FAM204A: variants seen among roughly 807,000 people sequenced by gnomAD.
FAM204A encodes the protein family with sequence similarity 204 member A.
In FAM204A, 16 loss-of-function variants were observed where a neutral mutation model predicts 35.4. That is an observed-to-expected ratio of 0.45 (90% CI 0.31 to 0.69). The LOEUF (loss-of-function observed/expected upper bound fraction) is 0.69. Among genes scored for constraint, FAM204A ranks in the 30% least tolerant of loss-of-function variants. The pLI is 0.07. For missense variants in FAM204A, 240 were observed against 265.7 expected (o/e 0.90, Z 0.67); for synonymous variants, 76 against 86.9 (o/e 0.88, Z 0.70).
intron 6 of FAM204A, among the ~76,000 whole-genome samples, chr10:118,331,991 T>C (rs542912654): frequency 6.6e-6 from 1 of 150,724 alleles, no homozygotes; most frequent in South Asian, 2.1e-4. Flanking sequence ...CTGGCCAATA[T>C]GGTGAATCCC....
At position 118,299,729 on chromosome 10, in the gene FAM204A, A is replaced by G. The variant is rs1198481749; in HGVS notation, c.*11128T>C. The G allele has an allele frequency of 6.6e-6, 1 of 152,122 alleles. No individual in the cohort carries two copies. The highest frequency in any genetic ancestry group is 1.5e-5 in the Non-Finnish European group (1 of 68,020). 9.4% of individuals were successfully genotyped at this position (152,122 alleles called of 1,614,324 possible). On this transcript the variant is annotated 3_prime_UTR_variant, in exon 9 of 9. Transcript: ENST00000369183. ...CCCTAAGGCCGAGGAAAGCTTGACA[A>G]TTATTGGACAACTGGGTTTTCTCAC... is the stretch of plus-strand genomic sequence containing the variant.
intron 7 of FAM204A, among the ~76,000 whole-genome samples, chr10:118,321,724 CAAAAAAAAAA>C (rs200200755): frequency 1.1e-5 from 1 of 87,290 alleles, no homozygotes; most frequent in South Asian, 5.1e-4. Context: ...TATGACAAAG[CAAAAAAAAAA>C]AAAAAAAAAA....
At chr10:118,311,122 T>C (rs1447777088) in intron 8 of FAM204A, 85 bp downstream of exon 8, 1 of 1,284,040 alleles carries the variant, frequency 7.8e-7, no homozygotes, top group Non-Finnish European at 1.1e-6. Context: ...AGTTAACAGT[T>C]ATACACGAAC....
intron 7 of FAM204A, among the ~76,000 whole-genome samples, chr10:118,315,122 A>G (rs1213500067): frequency 3.3e-5 from 5 of 152,142 alleles, no homozygotes; most frequent in African/African-American, 7.2e-5. Context: ...AAGCGTCTGC[A>G]TAACCTCAAG....
At chr10:118,327,957 T>G (rs1423795397) in intron 6 of FAM204A, among the ~76,000 whole-genome samples, 1 of 152,170 alleles carries the variant, frequency 6.6e-6, no homozygotes, top group African/African-American at 2.4e-5. Flanking sequence ...AGCAAGACCC[T>G]GTCTCTTAAA....
rs1196059587 is a variant in FAM204A, at chr10:118,302,762, C to T, written c.*8095G>A. On this transcript the variant is annotated 3_prime_UTR_variant, in exon 9 of 9. Transcript: ENST00000369183. ...GAGCGTTTATATTAATGGCATTAAA[C>T]TCAGTATTTATACCACAAGGCACCT... 1 of 152,130 alleles carries T rather than the reference C, an allele frequency of 6.6e-6. No homozygotes were observed. Among genetic ancestry groups the T allele is most frequent in the Non-Finnish European group, 1.5e-5 (1 of 68,016 alleles). 9.4% of individuals were successfully genotyped at this position (152,130 alleles called of 1,614,324 possible). A position where few individuals can be genotyped will look rare whatever the true frequency, so the allele number is the denominator to read the frequency against.
chr10:118,334,843 G>C (rs1846354272), intron 6 of FAM204A, among the ~76,000 whole-genome samples: 1 of 152,100 alleles, frequency 6.6e-6, no homozygotes, highest in Non-Finnish European at 1.5e-5. Context: ...CATCCTTCAG[G>C]TCTCAGTGAC....
chr10:118,318,788 AC>A (rs1352294724), intron 7 of FAM204A, among the ~76,000 whole-genome samples: 1 of 151,822 alleles, frequency 6.6e-6, no homozygotes, highest in African/African-American at 2.4e-5. Flanking sequence ...TTTGATGCAA[AC>A]ATAATGGCCC....
rs1450570544 is a variant in FAM204A, at chr10:118,310,476, G to T, written c.*381C>A. ...CTCTAGCCTGGGTGACAGAGCAAGCGAGGCTCTGTCTCAAAAAAAAAAAAA... is the reference window on the plus strand; with the variant it reads ...CTCTAGCCTGGGTGACAGAGCAAGCTAGGCTCTGTCTCAAAAAAAAAAAAA... On this transcript the variant is annotated 3_prime_UTR_variant, in exon 9 of 9. Coordinates refer to ENST00000369183, the MANE Select transcript of FAM204A (RefSeq NM_022063.3). 1.1e-5 allele frequency: 2 copies of T among 179,530 alleles called. No homozygotes were observed. The highest frequency in any genetic ancestry group is 1.3e-4 in the Admixed American group (2 of 15,356). The allele number at this position is 179,530 out of a possible 1,614,324, so 11.1% of individuals were successfully genotyped here.
chr10:118,341,565 C>G lies in FAM204A; in HGVS notation c.-9+162G>C, dbSNP rs1178467753. 3.3e-5 allele frequency among the ~76,000 whole-genome samples: 5 copies of G among 152,118 alleles called. No individual in the cohort carries two copies. The East Asian group carries it at 9.6e-4, about 29-fold the overall frequency. ...GAATCCAGAAAAACTACTTATTTAG[C>G]AAGATTTTGCATGTATTCAACTGTT... On this transcript the variant is annotated intron_variant, in intron 2 of 8. Coordinates refer to ENST00000369183, the MANE Select transcript of FAM204A (RefSeq NM_022063.3).
chr10:118,322,748 T>G (rs1564758720), intron 7 of FAM204A, among the ~76,000 whole-genome samples: 1 of 152,126 alleles, frequency 6.6e-6, no homozygotes, highest in Non-Finnish European at 1.5e-5. Flanking sequence ...ATAGGAAATC[T>G]TTTTCCAAAT....
intron 6 of FAM204A, among the ~76,000 whole-genome samples, chr10:118,332,531 A>T (rs556506298): frequency 4.1e-5 from 4 of 96,488 alleles, no homozygotes; most frequent in Non-Finnish European, 9.4e-5. Flanking sequence ...TCCACATCCT[A>T]ATGCCCCTCC....
Position 118,299,215 on chromosome 10 carries a change from G to A in FAM204A, c.*11642C>T, listed in dbSNP as rs1483157306. The A allele has an allele frequency of 6.6e-6, 1 of 151,902 alleles. No homozygotes were observed. Among genetic ancestry groups the A allele is most frequent in the Non-Finnish European group, 1.5e-5 (1 of 67,978 alleles). 9.4% of individuals were successfully genotyped at this position (151,902 alleles called of 1,614,324 possible). On this transcript the variant is annotated 3_prime_UTR_variant, in exon 9 of 9. Transcript: ENST00000369183. ...GAAAATCTATGGCTGAACTTTTCAG[G>A]TTCTTCCTTTGGGCAGTACTGCTTA...
chr10:118,323,620 C>T (rs1030091615), intron 7 of FAM204A, among the ~76,000 whole-genome samples: 16 of 152,184 alleles, frequency 1.1e-4, no homozygotes, highest in African/African-American at 3.9e-4. Context: ...ACTCCCCCAT[C>T]CTTAGAGCCA....
At chr10:118,336,528 G>C in intron 2 of FAM204A, 105 bp from the exon 3 acceptor site, 2 of 1,059,788 alleles carry the variant, frequency 1.9e-6, no homozygotes, top group South Asian at 4.5e-5. Flanking sequence ...AATGGTTTGG[G>C]AACAGTCCAT....
chr10:118,331,372 C>T (rs1005930139), intron 6 of FAM204A, among the ~76,000 whole-genome samples: 1 of 152,122 alleles, frequency 6.6e-6, no homozygotes, highest in Non-Finnish European at 1.5e-5. Context: ...TATGATATAT[C>T]TCAACACAGA....
intron 6 of FAM204A, among the ~76,000 whole-genome samples, chr10:118,332,553 T>A (rs572472486): frequency 8.4e-6 from 1 of 119,126 alleles, no homozygotes; most frequent in Non-Finnish European, 1.9e-5. Flanking sequence ...TCCACATCCC[T>A]ATGCCCCTCC....
At chr10:118,334,343 C>A (rs1168492887) in intron 6 of FAM204A, among the ~76,000 whole-genome samples, 1 of 152,160 alleles carries the variant, frequency 6.6e-6, no homozygotes, top group Non-Finnish European at 1.5e-5. Context: ...CCCAAACCCT[C>A]CCTATCACCT....
Position 118,298,796 on chromosome 10 carries a change from C to A in FAM204A, c.*12061G>T, listed in dbSNP as rs1446792976. 1 of 152,230 alleles carries A rather than the reference C, an allele frequency of 6.6e-6. No individual in the cohort carries two copies. Among genetic ancestry groups the A allele is most frequent in the Non-Finnish European group, 1.5e-5 (1 of 68,046 alleles). 9.4% of individuals were successfully genotyped at this position (152,230 alleles called of 1,614,324 possible). On this transcript the variant is annotated 3_prime_UTR_variant, in exon 9 of 9. Coordinates refer to ENST00000369183, the MANE Select transcript of FAM204A (RefSeq NM_022063.3). ...TCTTCGGCATCCACCCAAGAGTGATCTAACCTTTGCAAAGCCTTCACTGAT... is the reference window on the plus strand; with the variant it reads ...TCTTCGGCATCCACCCAAGAGTGATATAACCTTTGCAAAGCCTTCACTGAT...
Sources: allele counts gnomAD v4.1 joint callset (sites outside exome capture counted in the v4.1 genomes callset), GRCh38; gene constraint gnomAD v4.1.1; transcripts MANE v1.5; gene names NCBI Gene and HGNC (gene_info 2026-07-23, HGNC 2026-07-21).